Variants in GALNT18 observed in about 807,000 individuals in gnomAD.
The protein encoded by GALNT18 is GalNAc-transferase 18.
GALNT18 carries 44 observed loss-of-function variants against 69.5 expected under a neutral mutation model. That is an observed-to-expected ratio of 0.63 (90% CI 0.50 to 0.81). The LOEUF (loss-of-function observed/expected upper bound fraction) is 0.81, where lower values mean the gene tolerates loss of function less well. GALNT18 is among the 40% of genes least tolerant of loss of function. The probability of loss-of-function intolerance (pLI) is 0.00; values close to 1 mark genes in which losing one functional copy is unlikely to be tolerated. For missense variants in GALNT18, 715 were observed against 810.0 expected (o/e 0.88, Z 1.42); for synonymous variants, 364 against 318.2 (o/e 1.14, Z -1.53).
intron 9 of GALNT18, among the ~76,000 whole-genome samples, chr11:11,316,660 C>G (rs1324602402): frequency 6.6e-6 from 1 of 152,196 alleles, no homozygotes. Flanking sequence ...AACAATTTAC[C>G]TTTCCATAGA....
chr11:11,278,622 G>A (rs965157590), intron 10 of GALNT18, among the ~76,000 whole-genome samples: 1 of 151,942 alleles, frequency 6.6e-6, no homozygotes, highest in African/African-American at 2.4e-5. Context: ...AATTTTGCAT[G>A]TTCTTACTCA....
intron 2 of GALNT18, among the ~76,000 whole-genome samples, chr11:11,445,829 A>T (rs2133815314): frequency 6.6e-6 from 1 of 152,234 alleles, no homozygotes; most frequent in East Asian, 1.9e-4. Context: ...ACAGACTGTA[A>T]AGTTCTGTGC....
At chr11:11,285,406 T>G (rs1355196291) in intron 10 of GALNT18, among the ~76,000 whole-genome samples, 2 of 152,182 alleles carry the variant, frequency 1.3e-5, no homozygotes, top group Admixed American at 1.3e-4. Flanking sequence ...GCAGGGCACA[T>G]AGTAAACACC....
rs574706891 is a variant in GALNT18 at position 11,402,753 on chromosome 11, C to A, written c.596-23489G>T. Among the ~76,000 whole-genome samples, 1 of 152,214 alleles carries A rather than the reference C, an allele frequency of 6.6e-6. No homozygotes were observed. The highest frequency in any genetic ancestry group is 1.9e-4 in the East Asian group (1 of 5,198). On this transcript the variant is annotated intron_variant, in intron 3 of 10. Coordinates refer to ENST00000227756, the MANE Select transcript of GALNT18 (RefSeq NM_198516.3). This position sits in a 1 kb window ranked among gnomAD's most constrained non-coding sequence, Gnocchi z 4.0. ...GCATTTTAATGCACCTGCCTTGCAG[C>A]TGCGGGTAAGAACAGCGTCTGCAGG... is the stretch of plus-strand genomic sequence containing the variant.
rs1856084258 is a variant in GALNT18 at position 11,463,212 on chromosome 11, AC to A, written c.236-14277del. ...TACACACTCAGACAGACAGACAGAC[AC>A]ACACACACACACAGAGAGAGAGAGA... On this transcript the variant is annotated intron_variant, in intron 1 of 10. Coordinates refer to ENST00000227756, the MANE Select transcript of GALNT18 (RefSeq NM_198516.3). The surrounding 1 kb of genome is among the most constrained non-coding windows in gnomAD (Gnocchi z 4.2). 8.4e-5 allele frequency among the ~76,000 whole-genome samples: 1 copy of A among 11,860 alleles called. No individual in the cohort carries two copies. The highest frequency in any genetic ancestry group is 2.7e-4 in the Non-Finnish European group (1 of 3,708). 7.8% of individuals were successfully genotyped at this position (11,860 alleles called of 152,430 possible).
intron 1 of GALNT18, among the ~76,000 whole-genome samples, chr11:11,519,009 T>C (rs1268939740): frequency 6.6e-6 from 1 of 152,074 alleles, no homozygotes; most frequent in African/African-American, 2.4e-5. Flanking sequence ...ACCCAGATCT[T>C]CTCCGGCAAT....
chr11:11,581,686 A>G (rs1859091213), intron 1 of GALNT18, among the ~76,000 whole-genome samples: 1 of 151,402 alleles, frequency 6.6e-6, no homozygotes, highest in African/African-American at 2.4e-5. Context: ...CCTGCTACCC[A>G]CTCCTGGCTA....
rs1859629541 is a variant in GALNT18, at chr11:11,601,345, G to A, written c.235+20014C>T. On this transcript the variant is annotated intron_variant, in intron 1 of 10. Coordinates refer to ENST00000227756, the MANE Select transcript of GALNT18 (RefSeq NM_198516.3). The surrounding 1 kb of genome is among the most constrained non-coding windows in gnomAD (Gnocchi z 4.0). The stretch of plus-strand genomic sequence containing the variant: ...TGAAGTCCTTTTCCCCCAACAGTGT[G>A]TAGTCTCTAATACTACTTCTTGAAG... 6.6e-6 allele frequency among the ~76,000 whole-genome samples: 1 copy of A among 152,234 alleles called. No homozygotes were observed. The highest frequency in any genetic ancestry group is 2.4e-5 in the African/African-American group (1 of 41,466).
chr11:11,397,219 G>A (rs1380148478), intron 3 of GALNT18, among the ~76,000 whole-genome samples: 1 of 152,114 alleles, frequency 6.6e-6, no homozygotes, highest in Non-Finnish European at 1.5e-5. Flanking sequence ...GTGGAATGTT[G>A]GGAACTGTAA....
chr11:11,348,962 G>A (rs1850351701), intron 6 of GALNT18, among the ~76,000 whole-genome samples: 1 of 152,152 alleles, frequency 6.6e-6, no homozygotes, highest in South Asian at 2.1e-4. Flanking sequence ...CAATGCTTTG[G>A]CAGTACCTTA....
At chr11:11,472,884 C>T (rs983462704) in intron 1 of GALNT18, among the ~76,000 whole-genome samples, 5 of 151,986 alleles carry the variant, frequency 3.3e-5, no homozygotes, top group Non-Finnish European at 5.9e-5. Context: ...CCCAGCTACT[C>T]AGGAGGCTGA....
At position 11,620,183 on chromosome 11, in the gene GALNT18, C is replaced by T. The variant is rs1444546106; in HGVS notation, c.235+1176G>A. Among the ~76,000 whole-genome samples, 1 of 152,000 alleles carries T rather than the reference C, an allele frequency of 6.6e-6. No individual in the cohort carries two copies. Among genetic ancestry groups the T allele is most frequent in the Non-Finnish European group, 1.5e-5 (1 of 68,002 alleles). On this transcript the variant is annotated intron_variant, in intron 1 of 10. Transcript: ENST00000227756. The surrounding 1 kb of genome is among the most constrained non-coding windows in gnomAD (Gnocchi z 6.9). ...CAGTTCAATTCGATTTTGCCAAGGTCTGCCATGCACTGGCCCCTGAGCCTG... is the reference window on the plus strand; with the variant it reads ...CAGTTCAATTCGATTTTGCCAAGGTTTGCCATGCACTGGCCCCTGAGCCTG...
At chr11:11,291,307 TGAGAAGTAA>T (rs1407423191) in intron 10 of GALNT18, among the ~76,000 whole-genome samples, 7 of 148,960 alleles carry the variant, frequency 4.7e-5, no homozygotes, top group African/African-American at 1.5e-4. Context: ...GCTTCAGTGA[TGAGAAGTAA>T]GAGAGAATTT....
intron 1 of GALNT18, among the ~76,000 whole-genome samples, chr11:11,518,796 G>T (rs1056466065): frequency 6.6e-6 from 1 of 152,168 alleles, no homozygotes; most frequent in Admixed American, 6.5e-5. Flanking sequence ...GATGGGGAGG[G>T]AGCACTGGAC....
intron 9 of GALNT18, among the ~76,000 whole-genome samples, chr11:11,319,033 C>T (rs114779285): frequency 6.8e-4 from 104 of 152,236 alleles, no homozygotes; most frequent in African/African-American, 2.3e-3. Context: ...TTTATTTTGA[C>T]GTTTTTCTTT....
chr11:11,374,602 T>A (rs1853686116), intron 5 of GALNT18, among the ~76,000 whole-genome samples: 2 of 152,192 alleles, frequency 1.3e-5, no homozygotes, highest in African/African-American at 2.4e-5. Flanking sequence ...ATGAACAGAA[T>A]CTGAAACAGT....
At chr11:11,394,445 G>C (rs1239970805) in intron 3 of GALNT18, among the ~76,000 whole-genome samples, 1 of 152,176 alleles carries the variant, frequency 6.6e-6, no homozygotes, top group African/African-American at 2.4e-5. Flanking sequence ...AAAAACATTA[G>C]GAAGTCATAA....
intron 9 of GALNT18, among the ~76,000 whole-genome samples, chr11:11,306,215 G>A (rs1328854982): frequency 1.7e-4 from 4 of 23,592 alleles, no homozygotes; most frequent in East Asian, 1.6e-3. Context: ...GTGTGTGTCT[G>A]TGTGTGCATG....
intron 10 of GALNT18, 115 bp from the exon 11 acceptor site, chr11:11,271,405 A>C (rs1413755919): frequency 1.9e-6 from 2 of 1,064,976 alleles, no homozygotes; most frequent in Non-Finnish European, 2.8e-6. Flanking sequence ...GCCAGATCCC[A>C]GGAGGTCAGC....
Sources: gnomAD v4.1 joint callset for allele counts (sites outside exome capture counted in the v4.1 genomes callset) on GRCh38, gnomAD v4.1.1 for gene constraint, Gnocchi (gnomAD v3.1) non-coding constraint, MANE v1.5 for transcripts, NCBI Gene and HGNC (gene_info 2026-07-23, HGNC 2026-07-21) for gene names.